Variants in VPS53 observed in about 807,000 individuals in gnomAD.
VPS53 encodes vacuolar protein sorting-associated protein 53 homolog.
In VPS53, 70 loss-of-function variants were observed where a neutral mutation model predicts 107.0. The ratio of observed to expected loss-of-function variants is 0.65; its 90% CI spans 0.54 to 0.80. VPS53 has a LOEUF of 0.80. Among genes scored for constraint, VPS53 ranks in the 30% least tolerant of loss-of-function variants. The pLI is 0.00. For synonymous variants in VPS53, 409 were observed against 393.3 expected (o/e 1.04, Z -0.47); for missense variants, 917 against 1,049.4 (o/e 0.87, Z 1.74).
chr17:556,343 C>T (rs901413676), intron 15 of VPS53, among the ~76,000 whole-genome samples: 39 of 152,252 alleles, frequency 2.6e-4, no homozygotes, highest in Middle Eastern at 6.8e-3. Flanking sequence ...ACCAATAATA[C>T]ATCATTATTG....
At chr17:606,279 C>G (rs11651459) in intron 11 of VPS53, among the ~76,000 whole-genome samples, 35,562 of 151,964 alleles carry the variant, frequency 0.23, 4,388 homozygotes, top group Admixed American at 0.32. Context: ...GGGGCACCCT[C>G]GTGTAGTGGC....
intron 7 of VPS53, 37 bp downstream of exon 7, chr17:653,254 G>A (rs1395170970): frequency 2.1e-5 from 33 of 1,595,348 alleles, no homozygotes; most frequent in Non-Finnish European, 2.3e-5. Context: ...CCGGATCTGC[G>A]GAATCCCCAT....
intron 1 of VPS53, among the ~76,000 whole-genome samples, chr17:710,951 A>T (rs561362693): frequency 6.6e-6 from 1 of 152,196 alleles, no homozygotes; most frequent in Admixed American, 6.5e-5. Flanking sequence ...TCTCAAAATT[A>T]AATTAATTAA....
chr17:679,287 G>A (rs982666583), intron 4 of VPS53, among the ~76,000 whole-genome samples: 9 of 151,882 alleles, frequency 5.9e-5, no homozygotes, highest in East Asian at 5.9e-4. Context: ...AGGCCGAGGC[G>A]CGCAGATCAC....
At chr17:571,866 G>A (rs2014619492) in intron 13 of VPS53, among the ~76,000 whole-genome samples, 2 of 152,370 alleles carry the variant, frequency 1.3e-5, no homozygotes, top group African/African-American at 4.8e-5. Context: ...CCAGGCTGGA[G>A]TGCAGGGGCG....
intron 4 of VPS53, among the ~76,000 whole-genome samples, chr17:678,662 CAG>C (rs1383675656): frequency 1.3e-5 from 2 of 150,624 alleles, no homozygotes; most frequent in Admixed American, 1.3e-4. Flanking sequence ...TTTTTTGAGA[CAG>C]AGTCTCGCTC....
At chr17:689,898 T>C (rs1002367032) in intron 4 of VPS53, among the ~76,000 whole-genome samples, 1 of 152,202 alleles carries the variant, frequency 6.6e-6, no homozygotes, top group Non-Finnish European at 1.5e-5. Context: ...GATATCTCTA[T>C]GTAAAAGTGA....
intron 10 of VPS53, among the ~76,000 whole-genome samples, chr17:625,486 A>AG (rs1319373396): frequency 6.6e-6 from 1 of 151,936 alleles, no homozygotes; most frequent in Non-Finnish European, 1.5e-5. Flanking sequence ...AAAAAAAAAA[A>AG]AAAAAGCCAC....
chr17:631,674 T>A, intron 7 of VPS53, 46 bp from the exon 8 acceptor site: 1 of 1,570,226 alleles, frequency 6.4e-7, no homozygotes, highest in Non-Finnish European at 8.8e-7. Context: ...CATATCCTTA[T>A]GTAACTACAC....
At chr17:669,028 A>C (rs1971823269) in intron 4 of VPS53, among the ~76,000 whole-genome samples, 1 of 152,184 alleles carries the variant, frequency 6.6e-6, no homozygotes, top group Non-Finnish European at 1.5e-5. Context: ...AGTTGGGGAA[A>C]TGTACTATAA....
rs149349018 is a variant in VPS53, at chr17:664,337, C to G, written c.286-2442G>C. 5.3e-4 allele frequency among the ~76,000 whole-genome samples: 80 copies of G among 152,264 alleles called. No homozygotes were observed. The East Asian group carries it at 0.014, about 27-fold the overall frequency. ...TCGTGATCTGCCCGCCTCGGCCTCC[C>G]AAAGTGCTGGGATTACAGACGTGAG... On this transcript the variant is annotated intron_variant, in intron 4 of 21. Transcript: ENST00000437048.
chr17:659,956 G>GCA lies in VPS53; in HGVS notation c.372+1851_372+1852dup, dbSNP rs1251072031. On this transcript the variant is annotated intron_variant, in intron 5 of 21. Transcript: ENST00000437048. ...CCTAAACAAAGCCATCAATGGCAGG[G>GCA]CACACCAGGGGTACTCAGGTCAAAC... 2.6e-5 allele frequency among the ~76,000 whole-genome samples: 4 copies of GCA among 152,244 alleles called. No homozygotes were observed. In the East Asian group the frequency reaches 7.7e-4, roughly 29 times the overall value.
chr17:529,541 T>C (rs540493866), intron 19 of VPS53, among the ~76,000 whole-genome samples: 2 of 152,328 alleles, frequency 1.3e-5, no homozygotes, highest in Non-Finnish European at 2.9e-5. Flanking sequence ...TTATTTTTTA[T>C]TGGGCAGCCT....
chr17:710,744 C>T (rs1973611788), intron 1 of VPS53, 131 bp from the exon 2 acceptor site: 2 of 619,944 alleles, frequency 3.2e-6, no homozygotes. Flanking sequence ...CTTTGGGAGG[C>T]CAAAGCAGAT....
At chr17:709,843 A>G (rs1973571709) in intron 2 of VPS53, among the ~76,000 whole-genome samples, 1 of 152,216 alleles carries the variant, frequency 6.6e-6, no homozygotes, top group Non-Finnish European at 1.5e-5. Context: ...TAAAACGTGA[A>G]GTCTAAAAAT....
intron 17 of VPS53, among the ~76,000 whole-genome samples, chr17:539,967 A>G (rs1337624561): frequency 1.3e-5 from 2 of 152,072 alleles, no homozygotes; most frequent in South Asian, 2.1e-4. Flanking sequence ...GCCCAAACCA[A>G]GTCTATCTAA....
At chr17:594,498 T>C (rs1350508699) in intron 12 of VPS53, among the ~76,000 whole-genome samples, 2 of 147,758 alleles carry the variant, frequency 1.4e-5, no homozygotes, top group Non-Finnish European at 3.0e-5. Flanking sequence ...GGGGTCTGGA[T>C]CAATTTCCTG....
intron 12 of VPS53, among the ~76,000 whole-genome samples, chr17:598,143 G>C (rs1239144082): frequency 6.6e-6 from 1 of 152,250 alleles, no homozygotes; most frequent in Non-Finnish European, 1.5e-5. Context: ...GACTGGTTTT[G>C]GTGGAGACGG....
At chr17:606,305 G>A (rs766186311) in intron 11 of VPS53, among the ~76,000 whole-genome samples, 9 of 152,116 alleles carry the variant, frequency 5.9e-5, no homozygotes, top group Non-Finnish European at 7.4e-5. Flanking sequence ...CACAGGCTCC[G>A]TATCTGACAG....
Sources: allele counts gnomAD v4.1 joint callset (sites outside exome capture counted in the v4.1 genomes callset), GRCh38; gene constraint gnomAD v4.1.1; transcripts MANE v1.5; gene names NCBI Gene and HGNC (gene_info 2026-07-23, HGNC 2026-07-21).